Variants in PCBP3 observed in about 807,000 individuals in gnomAD.
PCBP3 encodes the protein poly(rC)-binding protein 3.
Under a neutral mutation model 52.7 loss-of-function variants are expected in PCBP3, and 25 were observed. The ratio of observed to expected loss-of-function variants is 0.47; its 90% CI spans 0.35 to 0.66. The LOEUF (loss-of-function observed/expected upper bound fraction) is 0.66. Ranked by LOEUF, PCBP3 falls within the 30% of genes least tolerant of loss-of-function variation. PCBP3 has a pLI of 0.01. For synonymous variants in PCBP3, 162 were observed against 183.0 expected, an observed-to-expected ratio of 0.89 and a Z score of 0.93; for missense variants, 391 against 490.3, an observed-to-expected ratio of 0.80 and a Z score of 1.91.
intron 2 of PCBP3, among the ~76,000 whole-genome samples, chr21:45,731,691 G>A (rs1388910104): frequency 6.6e-6 from 1 of 152,172 alleles, no homozygotes; most frequent in South Asian, 2.1e-4. Context: ...TGTTTTCAGA[G>A]GTTGCTTTAG....
chr21:45,776,565 T>TAG (rs1314835288), intron 4 of PCBP3, among the ~76,000 whole-genome samples: 3 of 152,110 alleles, frequency 2.0e-5, no homozygotes, highest in South Asian at 4.1e-4. Flanking sequence ...GGTATATATA[T>TAG]ATATATTTAG....
rs1022086284 is a variant in PCBP3 at position 45,835,911 on chromosome 21, C to T, written c.-125-14050C>T. ...CCAGGGGAACAGGCCCCAGGCCTGG[C>T]GGGGTCTGGATCTCAGTTCCACAGG... On this transcript the variant is annotated intron_variant, in intron 4 of 17. Coordinates refer to ENST00000681687, the MANE Select transcript of PCBP3 (RefSeq NM_001384156.1). Among the ~76,000 whole-genome samples, 9 of 151,312 alleles carry T rather than the reference C, an allele frequency of 5.9e-5. No individual in the cohort carries two copies. The South Asian group carries it at 1.9e-3, about 31-fold the overall frequency.
chr21:45,826,795 A>G (rs2093320293), intron 4 of PCBP3, among the ~76,000 whole-genome samples: 2 of 152,260 alleles, frequency 1.3e-5, no homozygotes, highest in Non-Finnish European at 2.9e-5. Context: ...AAATTCTAAC[A>G]AACTCTGTTC....
Position 45,791,997 on chromosome 21 carries a change from T to C in PCBP3, c.-126+36545T>C, listed in dbSNP as rs12482648. 0.18 allele frequency among the ~76,000 whole-genome samples: 27,610 copies of C among 152,248 alleles called. 2,655 individuals carry two copies. Among genetic ancestry groups the C allele is most frequent in the Middle Eastern group, 0.33 (97 of 294 alleles). Reference sequence around the variant, plus strand: ...CCTTTCCTTTCCTTGCTCCAGTCGCTTGGGTGTGAGTCCTGCTTCTCCCAT... The same window carrying C: ...CCTTTCCTTTCCTTGCTCCAGTCGCCTGGGTGTGAGTCCTGCTTCTCCCAT... On this transcript the variant is annotated intron_variant, in intron 4 of 17. Transcript: ENST00000681687. The surrounding 1 kb of genome is among the most constrained non-coding windows in gnomAD (Gnocchi z 4.2).
chr21:45,896,249 C>T lies in PCBP3; in HGVS notation c.52C>T (p.Leu18Phe). ...WAPSVLPHST[L>F]STLSHHPQPQ... ...CCCATCTGTCCTTCCTCACAGCACC[C>T]TCAGCACCTTAAGCCACCACCCTCA... Residue 18 changes from leucine to phenylalanine, a missense_variant, in exon 6 of 18, where the codon CTC becomes TTC. By Grantham distance (22) the Leu-to-Phe change is conservative. Coordinates refer to ENST00000681687, the MANE Select transcript of PCBP3 (RefSeq NM_001384156.1). The T allele has an allele frequency of 3.2e-6, 5 of 1,552,200 alleles. No homozygotes were observed. Among genetic ancestry groups the T allele is most frequent in the Non-Finnish European group, 4.4e-6 (5 of 1,147,106 alleles).
rs1223076247 is a variant in PCBP3, at chr21:45,646,103, CTCTCTGTGTGTGTGTG to C, written c.-279+2237_-279+2252del. Among the ~76,000 whole-genome samples the C allele has an allele frequency of 2.3e-3, 180 of 76,996 alleles. 2 individuals are homozygous for C. Among genetic ancestry groups the C allele is most frequent in the African/African-American group, 6.4e-3 (161 of 25,352 alleles). 50.5% of individuals were successfully genotyped at this position (76,996 alleles called of 152,430 possible). On this transcript the variant is annotated intron_variant, in intron 1 of 17. Transcript: ENST00000681687. ...TCTCTTTCTCTCTCTCTCTCTCTCT[CTCTCTGTGTGTGTGTG>C]TGTGTGTGTGTGTGTGTGTGTGTGT...
rs2093009682 is a variant in PCBP3 at position 45,817,731 on chromosome 21, CAATTCTT to C, written c.-125-32227_-125-32221del. On this transcript the variant is annotated intron_variant, in intron 4 of 17. Coordinates refer to ENST00000681687, the MANE Select transcript of PCBP3 (RefSeq NM_001384156.1). The surrounding 1 kb of genome is among the most constrained non-coding windows in gnomAD (Gnocchi z 4.3). ...AACACACTTGCTTCTTATTTCTGTC[CAATTCTT>C]AAGGTTTTTACTGTGGGATCATAAG... is the stretch of plus-strand genomic sequence containing the variant. Among the ~76,000 whole-genome samples the C allele has an allele frequency of 6.6e-6, 1 of 152,186 alleles. No homozygotes were observed. The highest frequency in any genetic ancestry group is 1.5e-5 in the Non-Finnish European group (1 of 68,044).
intron 2 of PCBP3, among the ~76,000 whole-genome samples, chr21:45,686,375 G>A (rs1028800496): frequency 6.6e-6 from 1 of 152,178 alleles, no homozygotes; most frequent in African/African-American, 2.4e-5. Flanking sequence ...TAGAGTAAAA[G>A]ATACTGTACA....
intron 2 of PCBP3, among the ~76,000 whole-genome samples, chr21:45,673,244 C>T (rs2838975): frequency 0.44 from 67,495 of 152,004 alleles, 15,385 homozygotes; most frequent in African/African-American, 0.48. Context: ...GACCCATTTT[C>T]TACTTCCCTC....
At chr21:45,856,624 C>T (rs2094308566) in intron 5 of PCBP3, among the ~76,000 whole-genome samples, 1 of 152,108 alleles carries the variant, frequency 6.6e-6, no homozygotes, top group Non-Finnish European at 1.5e-5. Flanking sequence ...GGTGACGTGC[C>T]TGCTCCTCTG....
chr21:45,648,606 T>C (rs998575586), intron 1 of PCBP3, among the ~76,000 whole-genome samples: 3 of 152,264 alleles, frequency 2.0e-5, no homozygotes, highest in African/African-American at 2.4e-5. Context: ...TCCAACCTCA[T>C]AGCTGTTGTC....
chr21:45,723,483 G>A (rs1043693255), intron 2 of PCBP3, among the ~76,000 whole-genome samples: 5 of 152,214 alleles, frequency 3.3e-5, no homozygotes, highest in Non-Finnish European at 5.9e-5. Flanking sequence ...ATAAGTTCAT[G>A]TACTAACTGA....
At chr21:45,712,721 G>C (rs1329220674) in intron 2 of PCBP3, among the ~76,000 whole-genome samples, 1 of 141,600 alleles carries the variant, frequency 7.1e-6, no homozygotes, top group Non-Finnish European at 1.5e-5. Flanking sequence ...TTTTCCTATT[G>C]AGACAGGGCC....
At chr21:45,768,637 AAC>A in intron 4 of PCBP3, among the ~76,000 whole-genome samples, 1 of 152,226 alleles carries the variant, frequency 6.6e-6, no homozygotes, top group East Asian at 1.9e-4. Context: ...GAGCAAAGGA[AAC>A]ACTGAAGAGG....
intron 4 of PCBP3, among the ~76,000 whole-genome samples, chr21:45,773,425 T>G (rs1221310770): frequency 6.6e-6 from 1 of 152,204 alleles, no homozygotes; most frequent in Non-Finnish European, 1.5e-5. Flanking sequence ...TAAGTTCTTG[T>G]CAGCTTTGTT....
At chr21:45,790,194 G>C (rs1023015814) in intron 4 of PCBP3, among the ~76,000 whole-genome samples, 2 of 152,106 alleles carry the variant, frequency 1.3e-5, no homozygotes, top group African/African-American at 4.8e-5. Flanking sequence ...AGCAGAGACT[G>C]GTGAGGAGGC....
chr21:45,833,359 C>G (rs1054635375), intron 4 of PCBP3, among the ~76,000 whole-genome samples: 1 of 152,228 alleles, frequency 6.6e-6, no homozygotes, highest in African/African-American at 2.4e-5. Context: ...CCCCAGGCAT[C>G]TCTGTAAAGA....
intron 3 of PCBP3, chr21:45,749,630 C>T (rs2087232713): frequency 2.0e-5 from 3 of 152,160 alleles, no homozygotes; most frequent in African/African-American, 7.2e-5. Context: ...TATTTAAAGC[C>T]TGAAAATGAG....
intron 5 of PCBP3, among the ~76,000 whole-genome samples, chr21:45,860,424 C>T (rs1301401261): frequency 6.6e-6 from 1 of 152,204 alleles, no homozygotes; most frequent in East Asian, 1.9e-4. Flanking sequence ...ACTTGGTTGA[C>T]ATTTTACACC....
Sources: allele counts gnomAD v4.1 joint callset (sites outside exome capture counted in the v4.1 genomes callset), GRCh38; gene constraint gnomAD v4.1.1; non-coding constraint Gnocchi (gnomAD v3.1); transcripts MANE v1.5; gene names NCBI Gene and HGNC (gene_info 2026-07-23, HGNC 2026-07-21).